ACAP2: variants seen among roughly 807,000 people sequenced by gnomAD.
The protein encoded by ACAP2 is arf-GAP with coiled-coil, ANK repeat and PH domain-containing protein 2.
In ACAP2, 39 loss-of-function variants were observed where a neutral mutation model predicts 115.8. That is an observed-to-expected ratio of 0.34 (90% CI 0.26 to 0.44). ACAP2 has a LOEUF of 0.44. Ranked by LOEUF, ACAP2 falls within the 20% of genes least tolerant of loss-of-function variation. The pLI is 1.00. For synonymous variants in ACAP2, 289 were observed against 315.8 expected (o/e 0.92, Z 0.90); for missense variants, 662 against 927.6 (o/e 0.71, Z 3.72).
intron 1 of ACAP2, among the ~76,000 whole-genome samples, chr3:195,426,507 T>C (rs1186852970): frequency 1.3e-5 from 2 of 152,146 alleles, no homozygotes; most frequent in African/African-American, 4.8e-5. Context: ...TATCAAATTA[T>C]CAATAATCTA....
At chr3:195,439,736 C>CCCA (rs1715862295) in intron 1 of ACAP2, among the ~76,000 whole-genome samples, 1 of 152,054 alleles carries the variant, frequency 6.6e-6, no homozygotes, top group Admixed American at 6.6e-5. Flanking sequence ...AAGCAGTTCT[C>CCCA]ATGCCTCAGT....
At chr3:195,408,396 A>G (rs932386209) in intron 1 of ACAP2, among the ~76,000 whole-genome samples, 2 of 152,164 alleles carry the variant, frequency 1.3e-5, no homozygotes, top group Non-Finnish European at 1.5e-5. Context: ...CCCGAAAAGC[A>G]GAAGTTGCAG....
chr3:195,425,591 A>G (rs1417003775), intron 1 of ACAP2, among the ~76,000 whole-genome samples: 1 of 152,202 alleles, frequency 6.6e-6, no homozygotes, highest in Non-Finnish European at 1.5e-5. Context: ...AGTAAATTAC[A>G]CAAGGCTGCA....
intron 4 of ACAP2, among the ~76,000 whole-genome samples, chr3:195,357,144 G>A (rs955733070): frequency 6.6e-5 from 10 of 151,914 alleles, no homozygotes; most frequent in African/African-American, 2.4e-4. Context: ...GAAAAGCTGA[G>A]CCCTTGGGCC....
At chr3:195,321,707 C>T (rs1443998819) in intron 9 of ACAP2, among the ~76,000 whole-genome samples, 3 of 151,506 alleles carry the variant, frequency 2.0e-5, no homozygotes, top group South Asian at 2.1e-4. Context: ...TCTGCCTCCC[C>T]GTTCAAGTGA....
intron 1 of ACAP2, among the ~76,000 whole-genome samples, chr3:195,403,402 T>A (rs1712482299): frequency 6.6e-6 from 1 of 152,180 alleles, no homozygotes; most frequent in Non-Finnish European, 1.5e-5. Flanking sequence ...AAGTATTTTG[T>A]CAAGACTCAT....
chr3:195,419,507 G>A (rs1714001848), intron 1 of ACAP2: 1 of 152,118 alleles, frequency 6.6e-6, no homozygotes, highest in Non-Finnish European at 1.5e-5. Flanking sequence ...GTAACTGACT[G>A]AACAATCAAC....
rs188827217 is a variant in ACAP2 at position 195,285,602 on chromosome 3, C to T, written c.2236+194G>A. On this transcript the variant is annotated intron_variant, in intron 22 of 22. Transcript: ENST00000326793. ...GAAGAGTTACGAATGTTTAAAGGCC[C>T]GGGATTAGCCACCCAAGGATTCAGT... 3.2e-3 allele frequency: 1,695 copies of T among 530,110 alleles called. 10 individuals carry two copies. The highest frequency in any genetic ancestry group is 3.2e-3 in the Non-Finnish European group (980 of 302,568). The allele number at this position is 530,110 out of a possible 1,614,324, so 32.8% of individuals were successfully genotyped here.
At chr3:195,370,332 A>G (rs1412488388) in intron 4 of ACAP2, among the ~76,000 whole-genome samples, 1 of 152,150 alleles carries the variant, frequency 6.6e-6, no homozygotes, top group Non-Finnish European at 1.5e-5. Flanking sequence ...TATGTCATGA[A>G]TGGTATTTCC....
chr3:195,317,687 T>A (rs1000497085), intron 10 of ACAP2, among the ~76,000 whole-genome samples: 1 of 152,206 alleles, frequency 6.6e-6, no homozygotes, highest in African/African-American at 2.4e-5. Context: ...TTATATTTTA[T>A]AAAAATTTGT....
intron 5 of ACAP2, among the ~76,000 whole-genome samples, chr3:195,343,471 T>C (rs975858887): frequency 1.3e-5 from 2 of 152,182 alleles, no homozygotes; most frequent in East Asian, 3.9e-4. Flanking sequence ...ACAACATTGA[T>C]TTCTCATGCT....
chr3:195,294,877 C>T, intron 17 of ACAP2, 66 bp from the exon 18 acceptor site: 1 of 1,057,428 alleles, frequency 9.5e-7, no homozygotes, highest in Non-Finnish European at 1.4e-6. Context: ...CTCCCACAAA[C>T]AAGGTTTTAA....
chr3:195,398,443 G>A (rs1358912299), intron 1 of ACAP2, among the ~76,000 whole-genome samples: 4 of 151,952 alleles, frequency 2.6e-5, no homozygotes, highest in Non-Finnish European at 4.4e-5. Flanking sequence ...TCAGGAGTTC[G>A]AGGCCAGCCT....
chr3:195,295,284 G>A (rs1231562749), intron 17 of ACAP2: 8 of 1,291,894 alleles, frequency 6.2e-6, no homozygotes, highest in Middle Eastern at 2.1e-4. Context: ...TGGCCTCGTC[G>A]CTATTTACAG....
intron 10 of ACAP2, among the ~76,000 whole-genome samples, chr3:195,317,126 G>C (rs1458890829): frequency 6.6e-6 from 1 of 151,764 alleles, no homozygotes; most frequent in Non-Finnish European, 1.5e-5. Flanking sequence ...TCAAACTCCT[G>C]ACCTCAAGTG....
At chr3:195,412,496 C>A (rs1393514631) in intron 1 of ACAP2, among the ~76,000 whole-genome samples, 3 of 151,846 alleles carry the variant, frequency 2.0e-5, no homozygotes, top group Non-Finnish European at 4.4e-5. Context: ...CCTGTAGTCC[C>A]AGCTACTCAG....
At chr3:195,404,996 C>T (rs1712631388) in intron 1 of ACAP2, among the ~76,000 whole-genome samples, 1 of 151,832 alleles carries the variant, frequency 6.6e-6, no homozygotes, top group Non-Finnish European at 1.5e-5. Context: ...AGACGGCTTT[C>T]ACCATGTTGT....
chr3:195,295,180 C>T, intron 17 of ACAP2: 1 of 1,258,072 alleles, frequency 7.9e-7, no homozygotes, highest in Non-Finnish European at 1.0e-6. Flanking sequence ...GAATGCTCCA[C>T]AAGAGTAGTA....
At chr3:195,347,230 CAG>C (rs201868558) in intron 4 of ACAP2, among the ~76,000 whole-genome samples, 1,971 of 152,074 alleles carry the variant, frequency 0.013, 33 homozygotes, top group African/African-American at 0.043. Flanking sequence ...ATTGAAAGGA[CAG>C]AGAAACATAA....
Sources: allele counts gnomAD v4.1 joint callset (sites outside exome capture counted in the v4.1 genomes callset), GRCh38; gene constraint gnomAD v4.1.1; transcripts MANE v1.5; gene names NCBI Gene and HGNC (gene_info 2026-07-23, HGNC 2026-07-21).